The following SLC6A6 variants were observed in gnomAD, a reference collection of about 807,000 sequenced individuals.
The protein encoded by SLC6A6 is solute carrier family 6 member 6.
Under a neutral mutation model 68.8 loss-of-function variants are expected in SLC6A6, and 16 were observed. The observed-to-expected ratio is 0.23, with a 90% confidence interval of 0.16 to 0.35. The LOEUF is 0.35. Among genes scored for constraint, SLC6A6 ranks in the 10% least tolerant of loss-of-function variants. The pLI is 1.00. For missense variants in SLC6A6, 474 were observed against 802.8 expected (o/e 0.59, Z 4.95); for synonymous variants, 312 against 315.4 (o/e 0.99, Z 0.12).
chr3:14,446,443 C>A (rs140766332), intron 4 of SLC6A6, among the ~76,000 whole-genome samples: 93 of 152,296 alleles, frequency 6.1e-4, no homozygotes, highest in African/African-American at 2.1e-3. Flanking sequence ...GAAAGACTAC[C>A]TATGGCATAC....
At chr3:14,436,862 C>T (rs1246645710) in intron 2 of SLC6A6, among the ~76,000 whole-genome samples, 1 of 152,214 alleles carries the variant, frequency 6.6e-6, no homozygotes, top group Admixed American at 6.5e-5. Flanking sequence ...TCCTGAGCCC[C>T]GTCTCCATCA....
chr3:14,412,616 G>A (rs1024762343), intron 1 of SLC6A6, among the ~76,000 whole-genome samples: 3 of 152,170 alleles, frequency 2.0e-5, no homozygotes, highest in South Asian at 2.1e-4. Flanking sequence ...AGCTGAGATC[G>A]TGCCACCGCA....
intron 1 of SLC6A6, among the ~76,000 whole-genome samples, chr3:14,410,176 CAAAAAAAAAAA>C (rs145587348): frequency 1.6e-5 from 1 of 60,730 alleles, no homozygotes; most frequent in African/African-American, 5.1e-5. Flanking sequence ...GACTCCATCT[CAAAAAAAAAAA>C]AAAAAAAAAA....
At position 14,403,031 on chromosome 3, in the gene SLC6A6, GT is replaced by G. The variant is rs1333582830; in HGVS notation, c.-54+187del. On this transcript the variant is annotated intron_variant, in intron 1 of 14. Transcript: ENST00000622186. The stretch of plus-strand genomic sequence containing the variant: ...CAGTCCCGCTGGCGGGGCTGTTATT[GT>G]TTCCCCGGCAAAAGGGCTCCGGCTC... Among the ~76,000 whole-genome samples, 5 of 152,236 alleles carry G rather than the reference GT, an allele frequency of 3.3e-5. No homozygotes were observed. The South Asian group carries it at 1.0e-3, about 32-fold the overall frequency.
chr3:14,403,632 C>T (rs1330486707), intron 1 of SLC6A6, among the ~76,000 whole-genome samples: 4 of 152,244 alleles, frequency 2.6e-5, no homozygotes, highest in Admixed American at 1.3e-4. Context: ...TCCAGCAGTC[C>T]TGAGTGGTGG....
chr3:14,427,371 A>G (rs1447734375), intron 2 of SLC6A6, among the ~76,000 whole-genome samples: 1 of 152,180 alleles, frequency 6.6e-6, no homozygotes, highest in Admixed American at 6.5e-5. Flanking sequence ...CATGTTTTAC[A>G]GGTGAGGAAA....
intron 2 of SLC6A6, among the ~76,000 whole-genome samples, chr3:14,430,734 G>A (rs1312375147): frequency 6.6e-6 from 1 of 152,240 alleles, no homozygotes; most frequent in East Asian, 1.9e-4. Context: ...AGCCTCTGGC[G>A]TCCACTGTAT....
In SLC6A6 at chr3:14,432,363, TG is replaced by T. The variant is rs536427722; in HGVS notation, c.-11-11258del. On this transcript the variant is annotated intron_variant, in intron 2 of 14. Coordinates refer to ENST00000622186, the MANE Select transcript of SLC6A6 (RefSeq NM_003043.6). ...TTTCCGGCAAAACCAGGCTGAGGGC[TG>T]GGCTGCTAGCGAAGCTGACAGCAAG... Among the ~76,000 whole-genome samples the T allele has an allele frequency of 1.4e-3, 214 of 152,330 alleles. 1 individual carries two copies. Among genetic ancestry groups the T allele is most frequent in the Non-Finnish European group, 2.4e-3 (161 of 68,030 alleles).
chr3:14,448,750 G>A (rs920792759), intron 5 of SLC6A6, among the ~76,000 whole-genome samples: 6 of 152,244 alleles, frequency 3.9e-5, no homozygotes, highest in African/African-American at 1.4e-4. Context: ...TCAGAAAGGT[G>A]GGATGTGGAG....
intron 2 of SLC6A6, among the ~76,000 whole-genome samples, chr3:14,422,418 G>A (rs2124912967): frequency 6.6e-6 from 1 of 152,278 alleles, no homozygotes; most frequent in Non-Finnish European, 1.5e-5. Flanking sequence ...TAGGTTCTTG[G>A]GGTGGCAGTG....
At chr3:14,424,356 TAAAAA>T (rs572276461) in intron 2 of SLC6A6, among the ~76,000 whole-genome samples, 1 of 140,348 alleles carries the variant, frequency 7.1e-6, no homozygotes, top group African/African-American at 2.6e-5. Context: ...CACGCAAAGT[TAAAAA>T]AAAAAAAAAG....
At chr3:14,461,559 G>A (rs1298868265) in intron 6 of SLC6A6, among the ~76,000 whole-genome samples, 1 of 152,200 alleles carries the variant, frequency 6.6e-6, no homozygotes, top group Admixed American at 6.5e-5. Flanking sequence ...AGGGGAGGAG[G>A]CCCCGGAGTG....
chr3:14,482,070 G>A (rs944906199), intron 14 of SLC6A6, among the ~76,000 whole-genome samples: 1 of 152,216 alleles, frequency 6.6e-6, no homozygotes, highest in African/African-American at 2.4e-5. Flanking sequence ...GCCGGGCTGT[G>A]GGGTGAGGAG....
intron 6 of SLC6A6, among the ~76,000 whole-genome samples, chr3:14,465,768 G>A (rs1389626336): frequency 6.6e-6 from 1 of 152,214 alleles, no homozygotes; most frequent in Non-Finnish European, 1.5e-5. Context: ...ACATGCCATG[G>A]TTGGCAACCA....
intron 2 of SLC6A6, among the ~76,000 whole-genome samples, chr3:14,425,817 C>G (rs1188015540): frequency 6.6e-6 from 1 of 152,074 alleles, no homozygotes; most frequent in East Asian, 1.9e-4. Context: ...TTGGTCACAC[C>G]CCTGGATATC....
At chr3:14,476,370 C>T (rs1700879014) in intron 10 of SLC6A6, among the ~76,000 whole-genome samples, 2 of 152,134 alleles carry the variant, frequency 1.3e-5, no homozygotes, top group Admixed American at 6.5e-5. Context: ...TGTGGAACAA[C>T]CCCCAAGATA....
chr3:14,449,401 G>A (rs1029152320), intron 5 of SLC6A6, among the ~76,000 whole-genome samples: 1 of 152,224 alleles, frequency 6.6e-6, no homozygotes, highest in Non-Finnish European at 1.5e-5. Flanking sequence ...AGAAAGGCTG[G>A]CACTTCCTTT....
At position 14,477,177 on chromosome 3, in the gene SLC6A6, C is replaced by A; in HGVS notation, c.1210-28C>A. 6.2e-7 allele frequency: 1 copy of A among 1,602,180 alleles called. No homozygotes were observed. Among genetic ancestry groups the A allele is most frequent in the Non-Finnish European group, 8.5e-7 (1 of 1,171,624 alleles). On this transcript the variant is annotated intron_variant, in intron 10 of 14. Coordinates refer to ENST00000622186, the MANE Select transcript of SLC6A6 (RefSeq NM_003043.6). This position sits in a 1 kb window ranked among gnomAD's most constrained non-coding sequence, Gnocchi z 4.2. ...AAGGGTGGCCTGAGCGTCAGCCGCT[C>A]ACCAGCTCTCTCTCTTCCCCTCCTC...
chr3:14,419,816 C>G (rs1303401067), intron 2 of SLC6A6, among the ~76,000 whole-genome samples: 1 of 152,032 alleles, frequency 6.6e-6, no homozygotes, highest in Non-Finnish European at 1.5e-5. Context: ...AACTCCCCAC[C>G]CCCTCAGCTA....
Sources: gnomAD v4.1 joint callset for allele counts (sites outside exome capture counted in the v4.1 genomes callset) on GRCh38, gnomAD v4.1.1 for gene constraint, Gnocchi (gnomAD v3.1) non-coding constraint, MANE v1.5 for transcripts, NCBI Gene and HGNC (gene_info 2026-07-23, HGNC 2026-07-21) for gene names.